NME7: variants seen among roughly 807,000 people sequenced by gnomAD.
NME7 encodes NME/NM23 family member 7.
NME7 carries 41 observed loss-of-function variants against 49.1 expected under a neutral mutation model. That is an observed-to-expected ratio of 0.83 (90% CI 0.65 to 1.08). The LOEUF (loss-of-function observed/expected upper bound fraction) is 1.08. Ranked by LOEUF, NME7 falls within the 50% of genes least tolerant of loss-of-function variation. The probability of loss-of-function intolerance (pLI) is 0.00; values close to 1 mark genes in which losing one functional copy is unlikely to be tolerated. For synonymous variants in NME7, 139 were observed against 150.6 expected (o/e 0.92, Z 0.56); for missense variants, 423 against 463.4 (o/e 0.91, Z 0.80).
At chr1:169,215,061 G>A (rs1660937846) in intron 10 of NME7, among the ~76,000 whole-genome samples, 1 of 152,252 alleles carries the variant, frequency 6.6e-6, no homozygotes, top group Non-Finnish European at 1.5e-5. Flanking sequence ...CAAATGAATT[G>A]AAGGATGGTG....
intron 1 of NME7, among the ~76,000 whole-genome samples, chr1:169,358,596 TA>T (rs989256095): frequency 7.2e-5 from 11 of 152,098 alleles, no homozygotes; most frequent in Admixed American, 2.6e-4. Flanking sequence ...CAATTTATAA[TA>T]GATGTAAAAC....
chr1:169,350,921 TA>T (rs1403481693), intron 1 of NME7, among the ~76,000 whole-genome samples: 4 of 152,148 alleles, frequency 2.6e-5, no homozygotes, highest in African/African-American at 9.7e-5. Flanking sequence ...TCTTTAGCTA[TA>T]AAATTTGGGA....
intron 1 of NME7, among the ~76,000 whole-genome samples, chr1:169,333,103 C>A (rs1473493706): frequency 2.0e-5 from 3 of 152,076 alleles, no homozygotes; most frequent in Admixed American, 2.0e-4. Context: ...TACATATACA[C>A]AATGAAGTAC....
chr1:169,208,489 CA>C (rs1241977027), intron 10 of NME7, among the ~76,000 whole-genome samples: 1 of 151,998 alleles, frequency 6.6e-6, no homozygotes, highest in Non-Finnish European at 1.5e-5. Flanking sequence ...GTAAGTTTAA[CA>C]GTGAAAAGGA....
At chr1:169,367,451 G>C (rs954971268) in intron 1 of NME7, among the ~76,000 whole-genome samples, 4 of 152,186 alleles carry the variant, frequency 2.6e-5, no homozygotes, top group African/African-American at 9.7e-5. Context: ...TTCAAAACAG[G>C]TTATTAGACT....
intron 7 of NME7, among the ~76,000 whole-genome samples, chr1:169,251,794 A>G (rs1039625911): frequency 2.0e-5 from 3 of 148,462 alleles, no homozygotes; most frequent in African/African-American, 7.5e-5. Context: ...CCCACCTATG[A>G]GTGAGAATAT....
chr1:169,345,621 T>G (rs563956432), intron 1 of NME7, among the ~76,000 whole-genome samples: 1 of 152,314 alleles, frequency 6.6e-6, no homozygotes, highest in Admixed American at 6.5e-5. Flanking sequence ...CTTGGTTTCT[T>G]GATGTTAGAG....
At chr1:169,308,188 T>C (rs775825735) in intron 4 of NME7, among the ~76,000 whole-genome samples, 60 of 152,192 alleles carry the variant, frequency 3.9e-4, no homozygotes, top group Admixed American at 1.4e-3. Flanking sequence ...TAGGAGATCA[T>C]ACATAAGGGA....
At chr1:169,166,357 T>C (rs1659412445) in intron 11 of NME7, among the ~76,000 whole-genome samples, 1 of 152,168 alleles carries the variant, frequency 6.6e-6, no homozygotes, top group Non-Finnish European at 1.5e-5. Context: ...CTAAATTTCA[T>C]ACAAAGATGC....
In NME7 at chr1:169,303,172, A is replaced by G. The variant is rs770382858; in HGVS notation, c.413T>C (p.Val138Ala). Residue 138 changes from valine to alanine, a missense_variant, in exon 5 of 12, where the codon GTA becomes GCA. By Grantham distance (64) the Val-to-Ala change is moderately conservative (BLOSUM62 0). Transcript: ENST00000367811. ...LSRKEALDFH[V>A]DHQSRPFFNE... ...GAAAAAGGGTCTTGACTGGTGATCT[A>G]CATGAAAATCCAATGCTTCTTTCCT... is the stretch of plus-strand genomic sequence containing the variant. 7.0e-6 allele frequency: 11 copies of G among 1,567,192 alleles called. No individual in the cohort carries two copies. Among genetic ancestry groups the G allele is most frequent in the African/African-American group, 1.4e-5 (1 of 72,862 alleles).
At chr1:169,366,625 T>A (rs1292060179) in intron 1 of NME7, among the ~76,000 whole-genome samples, 2 of 152,180 alleles carry the variant, frequency 1.3e-5, no homozygotes, top group African/African-American at 2.4e-5. Context: ...TATCCTTTAA[T>A]ATCCCTTTCT....
chr1:169,168,346 A>G (rs1160845264), intron 11 of NME7, among the ~76,000 whole-genome samples: 1 of 152,174 alleles, frequency 6.6e-6, no homozygotes, highest in African/African-American at 2.4e-5. Flanking sequence ...TTTCTTCTGA[A>G]GAGGCAGATA....
In NME7 at chr1:169,136,176, T is replaced by G. The variant is rs1658424268; in HGVS notation, c.1099-3359A>C. On this transcript the variant is annotated intron_variant, in intron 11 of 11. Coordinates refer to ENST00000367811, the MANE Select transcript of NME7 (RefSeq NM_013330.5). ...GTCTTTTGGAGTGCTTCAAGGAGTA[T>G]GGAACAATCCTGCAGGAATAGGACA... is the stretch of plus-strand genomic sequence containing the variant. 2.6e-5 allele frequency among the ~76,000 whole-genome samples: 4 copies of G among 152,284 alleles called. No homozygotes were observed. In the South Asian group the frequency reaches 8.3e-4, roughly 32 times the overall value.
chr1:169,281,523 C>T (rs1376802340), intron 7 of NME7, among the ~76,000 whole-genome samples: 1 of 152,140 alleles, frequency 6.6e-6, no homozygotes, highest in African/African-American at 2.4e-5. Flanking sequence ...GCATCCTTGT[C>T]TTGTGCCGGT....
chr1:169,302,723 C>A (rs1650996876), intron 5 of NME7, among the ~76,000 whole-genome samples: 1 of 151,954 alleles, frequency 6.6e-6, no homozygotes, highest in African/African-American at 2.4e-5. Flanking sequence ...ACACAATATA[C>A]CCAGGTAACA....
chr1:169,306,700 A>G (rs1335764041), intron 4 of NME7, among the ~76,000 whole-genome samples: 1 of 152,144 alleles, frequency 6.6e-6, no homozygotes, highest in Non-Finnish European at 1.5e-5. Context: ...GCATGGGACT[A>G]CTCAAGTAAA....
chr1:169,196,751 G>T (rs1660391080), intron 10 of NME7, among the ~76,000 whole-genome samples: 1 of 152,156 alleles, frequency 6.6e-6, no homozygotes, highest in African/African-American at 2.4e-5. Flanking sequence ...GCTAGTGAGT[G>T]CATCCTACCA....
chr1:169,158,794 C>T (rs1381039125), intron 11 of NME7, among the ~76,000 whole-genome samples: 1 of 152,036 alleles, frequency 6.6e-6, no homozygotes, highest in Non-Finnish European at 1.5e-5. Context: ...ATTTCATTTC[C>T]CCTAAGTTCT....
At chr1:169,247,561 T>G (rs1275753409) in intron 7 of NME7, among the ~76,000 whole-genome samples, 1 of 152,180 alleles carries the variant, frequency 6.6e-6, no homozygotes, top group Non-Finnish European at 1.5e-5. Context: ...TGGTGAAGTC[T>G]GAGATTTTAG....
Sources: gnomAD v4.1 joint callset for allele counts (sites outside exome capture counted in the v4.1 genomes callset) on GRCh38, gnomAD v4.1.1 for gene constraint, MANE v1.5 for transcripts, NCBI Gene and HGNC (gene_info 2026-07-23, HGNC 2026-07-21) for gene names.